Variants in FBXO34 observed in about 807,000 individuals in gnomAD.
FBXO34 encodes F-box protein 34.
A neutral mutation model predicts 24.5 loss-of-function variants in FBXO34; 12 were observed. That is an observed-to-expected ratio of 0.49 (90% confidence interval 0.31 to 0.79). The LOEUF is 0.79. Among genes scored for constraint, FBXO34 ranks in the 30% least tolerant of loss-of-function variants. The pLI, the probability that FBXO34 is intolerant of heterozygous loss-of-function variation, is 0.04. For missense variants in FBXO34, 823 were observed against 857.7 expected, an observed-to-expected ratio of 0.96 and a Z score of 0.51; for synonymous variants, 320 against 311.9, an observed-to-expected ratio of 1.03 and a Z score of -0.27.
At chr14:55,339,299 C>G (rs1304589621) in intron 1 of FBXO34, 1 of 151,506 alleles carries the variant, frequency 6.6e-6, no homozygotes, top group East Asian at 1.9e-4. Context: ...ACAATATGAT[C>G]ATAACCATAT....
At chr14:55,381,727 G>A in the FBXO34 span, among the ~76,000 whole-genome samples, 2 of 152,180 alleles carry the variant, frequency 1.3e-5, no homozygotes, top group South Asian at 4.1e-4. Context: ...AGCAATGTGT[G>A]GTTGCCAGGA....
exon 3 of FBXO34, chr14:55,367,377 G>A (rs1291755615): frequency 6.6e-6 from 1 of 152,216 alleles, no homozygotes; most frequent in Admixed American, 6.5e-5. Flanking sequence ...TCCAGAACTG[G>A]ATGGGAAAAT....
chr14:55,336,846 CAT>C (rs1477399653), intron 1 of FBXO34, among the ~76,000 whole-genome samples: 1 of 150,934 alleles, frequency 6.6e-6, no homozygotes, highest in African/African-American at 2.5e-5. Context: ...ATGCTATACA[CAT>C]ATAGAATATA....
At chr14:55,405,096 C>T in the FBXO34 span, among the ~76,000 whole-genome samples, 2 of 152,072 alleles carry the variant, frequency 1.3e-5, no homozygotes, top group Admixed American at 1.3e-4. Flanking sequence ...GAATTGAGAC[C>T]CTCTGAAGGA....
At chr14:55,398,511 C>T in the FBXO34 span, among the ~76,000 whole-genome samples, 73 of 152,192 alleles carry the variant, frequency 4.8e-4, no homozygotes, top group East Asian at 0.013. Context: ...CATAAGAATC[C>T]TTCTTTTACC....
chr14:55,323,225 A>ATATT lies in FBXO34; in HGVS notation c.-10-27155_-10-27154insATTT, dbSNP rs1555337925. Among the ~76,000 whole-genome samples, 101 of 19,208 alleles carry ATATT rather than the reference A, an allele frequency of 5.3e-3. 9 individuals are homozygous for ATATT. The highest frequency in any genetic ancestry group is 0.05 in the Middle Eastern group (1 of 20). 12.6% of individuals were successfully genotyped at this position (19,208 alleles called of 152,430 possible). A position where few individuals can be genotyped will look rare whatever the true frequency, so the allele number is the denominator to read the frequency against. On this transcript the variant is annotated intron_variant, in intron 1 of 1. Transcript: ENST00000313833. Reference sequence around the variant, plus strand: ...AAAAAAAAAAAAAAAAAAAATATATATTTTTTTTTTTTTTTTTTTTTTTAG... The same window carrying ATATT: ...AAAAAAAAAAAAAAAAAAAATATATATATTTTTTTTTTTTTTTTTTTTTTTTTAG...
chr14:55,348,351 C>T (rs1252115427), intron 1 of FBXO34, among the ~76,000 whole-genome samples: 3 of 152,098 alleles, frequency 2.0e-5, no homozygotes, highest in African/African-American at 7.2e-5. Flanking sequence ...GCCTCAACCA[C>T]CCCATTAGCT....
chr14:55,321,524 G>C (rs1883134371), intron 1 of FBXO34, among the ~76,000 whole-genome samples: 1 of 151,942 alleles, frequency 6.6e-6, no homozygotes, highest in Non-Finnish European at 1.5e-5. Flanking sequence ...AGCCTCCTGA[G>C]TAGCTGGGAT....
rs375653857 is a variant in FBXO34, at chr14:55,280,389, T to C, written c.-11+8852T>C. On this transcript the variant is annotated intron_variant, in intron 1 of 1. Transcript: ENST00000313833. ...GAACGTGTACAGATTATTTTTTTCT[T>C]GTCATGACAGTACAGCATAACTCTT... Among the ~76,000 whole-genome samples the C allele has an allele frequency of 1.6e-4, 24 of 152,316 alleles. No individual in the cohort carries two copies. The East Asian group carries it at 3.9e-3, about 24-fold the overall frequency.
chr14:55,287,861 C>T (rs950987954), intron 1 of FBXO34, among the ~76,000 whole-genome samples: 2 of 152,174 alleles, frequency 1.3e-5, no homozygotes, highest in African/African-American at 4.8e-5. Flanking sequence ...CTCTAATAAG[C>T]CCAACATGCA....
At chr14:55,349,602 A>ATTTTT (rs1555339656) in intron 1 of FBXO34, among the ~76,000 whole-genome samples, 9 of 90,372 alleles carry the variant, frequency 1.0e-4, no homozygotes, top group African/African-American at 2.5e-4. Flanking sequence ...GGAAGCAATA[A>ATTTTT]TTTTCTTTTT....
the FBXO34 span, chr14:55,428,755 G>T: frequency 6.5e-7 from 1 of 1,535,444 alleles, no homozygotes. Flanking sequence ...AACCCATAAT[G>T]TAACTTAAAT....
intron 1 of FBXO34, among the ~76,000 whole-genome samples, chr14:55,314,166 C>T (rs996553283): frequency 2.0e-5 from 3 of 152,030 alleles, no homozygotes; most frequent in Non-Finnish European, 2.9e-5. Context: ...CCAGTTAGGC[C>T]TCCCAAAGTG....
chr14:55,350,499 A>G lies in FBXO34; in HGVS notation c.109A>G (p.Thr37Ala), dbSNP rs1315944314. The change falls in exon 2 of 2, where the codon ACA (threonine) becomes GCA (alanine). Residue 37 changes from threonine to alanine, a missense_variant. Physicochemically the swap from Thr to Ala is moderately conservative, Grantham distance 58. This residue lies in a region of FBXO34 where 693 missense variants were observed against 659.1 expected (regional missense o/e 1.05). Transcript: ENST00000313833. Reference protein sequence around the residue: ...MNHQKAVNDETCKASHITSSV... With the variant: ...MNHQKAVNDEACKASHITSSV... ...CCACCAAAAGGCTGTAAATGATGAAACATGCAAAGCTAGCCACATAACATC... is the reference window on the plus strand; with the variant it reads ...CCACCAAAAGGCTGTAAATGATGAAGCATGCAAAGCTAGCCACATAACATC... The G allele has an allele frequency of 6.2e-7, 1 of 1,613,890 alleles. No homozygotes were observed. The highest frequency in any genetic ancestry group is 8.5e-7 in the Non-Finnish European group (1 of 1,180,012).
At chr14:55,392,473 C>G in the FBXO34 span, among the ~76,000 whole-genome samples, 1 of 151,984 alleles carries the variant, frequency 6.6e-6, no homozygotes, top group East Asian at 1.9e-4. Flanking sequence ...CATGGCGAAA[C>G]CCCATCTCTA....
chr14:55,326,346 CT>C (rs1256037261), intron 1 of FBXO34, among the ~76,000 whole-genome samples: 1 of 152,128 alleles, frequency 6.6e-6, no homozygotes, highest in African/African-American at 2.4e-5. Context: ...GTAAAATGTG[CT>C]TTTTTAGACT....
downstream of FBXO34, among the ~76,000 whole-genome samples, chr14:55,373,773 T>C (rs1292909132): frequency 6.6e-6 from 1 of 151,876 alleles, no homozygotes. Context: ...TTTTATTTTT[T>C]TGTAATTTTT....
At chr14:55,298,128 G>A (rs1415948650) in intron 1 of FBXO34, among the ~76,000 whole-genome samples, 2 of 152,102 alleles carry the variant, frequency 1.3e-5, no homozygotes, top group East Asian at 1.9e-4. Context: ...TGTAGCACAC[G>A]CTTGTCCAAC....
chr14:55,356,621 TTTTTA>T (rs998224304), downstream of FBXO34, among the ~76,000 whole-genome samples: 10 of 149,790 alleles, frequency 6.7e-5, no homozygotes, highest in African/African-American at 9.7e-5. Flanking sequence ...CCAGCTGATT[TTTTTA>T]TTTTTTTATT....
Sources: allele counts gnomAD v4.1 joint callset (sites outside exome capture counted in the v4.1 genomes callset), GRCh38; gene constraint gnomAD v4.1.1; regional missense constraint gnomAD v4.1.1; transcripts MANE v1.5; gene names NCBI Gene and HGNC (gene_info 2026-07-23, HGNC 2026-07-21).